Variants in FPGS observed in about 807,000 individuals in gnomAD.
The protein encoded by FPGS is folylpolyglutamate synthase.
A neutral mutation model predicts 66.5 loss-of-function variants in FPGS; 53 were observed. The ratio of observed to expected loss-of-function variants is 0.80; its 90% CI spans 0.64 to 1.00. The LOEUF is 1.00. Ranked by LOEUF, FPGS falls within the 50% of genes least tolerant of loss-of-function variation. The pLI, the probability that FPGS is intolerant of heterozygous loss-of-function variation, is 0.00. For synonymous variants in FPGS, 348 were observed against 350.9 expected, an observed-to-expected ratio of 0.99 and a Z score of 0.09; for missense variants, 702 against 807.7, an observed-to-expected ratio of 0.87 and a Z score of 1.59.
At position 127,809,681 on chromosome 9, in the gene FPGS, C is replaced by T. The variant is rs573025005; in HGVS notation, c.1061-3C>T. The T allele has an allele frequency of 2.5e-6, 4 of 1,586,086 alleles. No homozygotes were observed. In the South Asian group the frequency reaches 4.5e-5, roughly 18 times the overall value. ...GGAGGACTGCCTTGCTGCCCTCCCC[C>T]AGGGCTTCGGAACACGGAGTGGCCG... On this transcript the variant is annotated splice_polypyrimidine_tract_variant and splice_region_variant and intron_variant, in intron 11 of 14. Transcript: ENST00000373247.
chr9:127,805,764 G>A (rs777480546), intron 4 of FPGS, among the ~76,000 whole-genome samples: 2 of 152,180 alleles, frequency 1.3e-5, no homozygotes, highest in Non-Finnish European at 2.9e-5. Context: ...TCTCCTAGGC[G>A]GGCTGCAGAT....
rs577637343 is a variant in FPGS at position 127,804,713 on chromosome 9, G to C, written c.386+13G>C. 5.0e-6 allele frequency: 8 copies of C among 1,613,438 alleles called. No individual in the cohort carries two copies. The East Asian group carries it at 8.9e-5, about 18-fold the overall frequency. ...CGGGATTCTTTAGGTACTGGCTTGT[G>C]GGGGGATGTGGTGTCTGTGTCCCAA... is the stretch of plus-strand genomic sequence containing the variant. On this transcript the variant is annotated intron_variant, in intron 4 of 14. Transcript: ENST00000373247.
chr9:127,803,766 C>T (rs760639134), intron 1 of FPGS, among the ~76,000 whole-genome samples: 1 of 152,140 alleles, frequency 6.6e-6, no homozygotes, highest in Non-Finnish European at 1.5e-5. Context: ...TGAAGCCGTA[C>T]CTACCTGCCT....
intron 11 of FPGS, among the ~76,000 whole-genome samples, chr9:127,809,414 G>A (rs1196567107): frequency 2.0e-5 from 3 of 152,174 alleles, no homozygotes; most frequent in Admixed American, 2.0e-4. Flanking sequence ...AACCGACCTC[G>A]CATCACATCC....
intron 12 of FPGS, 97 bp from the exon 13 acceptor site, chr9:127,809,934 G>T (rs1391162781): frequency 2.6e-6 from 1 of 392,084 alleles, no homozygotes; most frequent in African/African-American, 4.4e-5. Flanking sequence ...GCGGGGGCGG[G>T]CCCATGGGGA....
chr9:127,813,452 C>G lies in FPGS; in HGVS notation c.1612C>G (p.Pro538Ala). Residue 538 changes from proline (P) to alanine (A), a missense_variant, in exon 15 of 15, where the codon CCT (proline) becomes GCT (alanine). Pro to Ala is a conservative substitution (Grantham distance 27). Around this residue, in one of 3 missense-constraint regions of FPGS, gnomAD observed 351 missense variants for 363.7 expected, o/e 0.97. Coordinates refer to ENST00000373247, the MANE Select transcript of FPGS (RefSeq NM_004957.6). ...SQGRDPIFQP[P>A]SPPKGLLTHP... ...AGGCCGAGACCCCATCTTCCAGCCA[C>G]CTAGTCCCCCAAAGGGCCTCCTCAC... 6.2e-7 allele frequency: 1 copy of G among 1,612,606 alleles called. No homozygotes were observed. Among genetic ancestry groups the G allele is most frequent in the Middle Eastern group, 1.7e-4 (1 of 6,054 alleles).
chr9:127,810,989 G>A lies in FPGS; in HGVS notation c.1332G>A (p.Glu444=). 1 of 1,592,110 alleles carries A rather than the reference G, an allele frequency of 6.3e-7. No individual in the cohort carries two copies. The highest frequency in any genetic ancestry group is 8.6e-7 in the Non-Finnish European group (1 of 1,167,960). The change falls in exon 14 of 15, where the codon GAG becomes GAA. Residue 444 remains glutamate (E), a synonymous_variant. Transcript: ENST00000373247. The part of the protein sequence containing the change: ...DYAVFCPNLT[E]VSSTGNADQQ... The stretch of plus-strand genomic sequence containing the variant: ...CCGTCTTCTGCCCTAACCTGACAGA[G>A]GTGTCATCCACAGGCAACGCAGGTG...
At chr9:127,814,242 T>C (rs1394203860), downstream of FPGS, 2 of 763,096 alleles carry the variant, frequency 2.6e-6, no homozygotes, top group African/African-American at 3.8e-5. Flanking sequence ...AAGACCAGAC[T>C]GAAGCCTGTT....
rs1290590123 is a variant in FPGS at position 127,807,797 on chromosome 9, A to G, written c.744+109A>G. ...ACAAGTTGAGTCTCCTCTCCAGACTATTTCCCCATTGAAACGTGAGGGATG... is the reference window on the plus strand; with the variant it reads ...ACAAGTTGAGTCTCCTCTCCAGACTGTTTCCCCATTGAAACGTGAGGGATG... On this transcript the variant is annotated intron_variant, in intron 8 of 14. Transcript: ENST00000373247. This position sits in a 1 kb window ranked among gnomAD's most constrained non-coding sequence, Gnocchi z 5.8. 3.9e-5 allele frequency: 27 copies of G among 695,880 alleles called. No homozygotes were observed. The highest frequency in any genetic ancestry group is 5.5e-5 in the Non-Finnish European group (23 of 418,836). 43.1% of individuals were successfully genotyped at this position (695,880 alleles called of 1,614,324 possible).
chr9:127,806,788 G>A, intron 4 of FPGS, 185 bp from the exon 5 acceptor site: 2 of 606,344 alleles, frequency 3.3e-6, no homozygotes, highest in Non-Finnish European at 5.9e-6. Context: ...AGGTGCAGAG[G>A]CCTGGAGATA....
chr9:127,803,138 G>T, intron 1 of FPGS, 76 bp downstream of exon 1: 1 of 1,274,906 alleles, frequency 7.8e-7, no homozygotes, highest in Non-Finnish European at 9.9e-7. Context: ...AGAACATCCG[G>T]GCTCCGCTAG....
chr9:127,811,954 A>T (rs553405370), intron 14 of FPGS, among the ~76,000 whole-genome samples: 2 of 152,216 alleles, frequency 1.3e-5, no homozygotes, highest in African/African-American at 4.8e-5. Context: ...GTATCATGTT[A>T]AAAAAAGTTT....
intron 12 of FPGS, 98 bp from the exon 13 acceptor site, chr9:127,809,933 G>A: frequency 1.8e-6 from 1 of 551,754 alleles, no homozygotes; most frequent in Non-Finnish European, 3.2e-6. Flanking sequence ...GGCGGGGGCG[G>A]GCCCATGGGG....
chr9:127,809,609 C>T (rs1307375429), intron 11 of FPGS, 75 bp from the exon 12 acceptor site: 17 of 1,432,810 alleles, frequency 1.2e-5, no homozygotes, highest in African/African-American at 1.5e-5. Flanking sequence ...GGAGAACGGG[C>T]TCAGGAGTGT....
chr9:127,806,769 G>C (rs10987743), intron 4 of FPGS: 14 of 590,194 alleles, frequency 2.4e-5, no homozygotes, highest in Non-Finnish European at 4.2e-5. Flanking sequence ...GTGGTGAATA[G>C]GGTGAGCCAG....
At chr9:127,812,256 C>G (rs931952460) in intron 14 of FPGS, among the ~76,000 whole-genome samples, 1 of 151,860 alleles carries the variant, frequency 6.6e-6, no homozygotes, top group Non-Finnish European at 1.5e-5. Flanking sequence ...GACCCTGGAC[C>G]CTCTCTAAAA....
rs1724440007 is a variant in FPGS, at chr9:127,813,225, A to G, written c.1385A>G (p.Gln462Arg). ...DQQNFTVTLD[Q>R]VLLRCLEHQQ... ...CAGAACTTCACAGTGACACTGGACC[A>G]GGTCCTGCTCCGCTGCCTGGAACAC... The change falls in exon 15 of 15, where the codon CAG becomes CGG. Residue 462 changes from glutamine (Q) to arginine (R), a missense_variant. Transcript: ENST00000373247. The G allele has an allele frequency of 6.2e-7, 1 of 1,600,640 alleles. No individual in the cohort carries two copies. The highest frequency in any genetic ancestry group is 1.7e-5 in the Admixed American group (1 of 58,780).
At chr9:127,808,377 G>A in intron 9 of FPGS, 66 bp downstream of exon 9, 2 of 1,501,462 alleles carry the variant, frequency 1.3e-6, no homozygotes, top group Non-Finnish European at 9.3e-7. Context: ...AGGAGGCACT[G>A]CATCCTCTGG....
chr9:127,809,770 A>G lies in FPGS; in HGVS notation c.1147A>G (p.Ser383Gly). Residue 383 changes from serine to glycine, a missense_variant, in exon 12 of 15, where the codon AGC (serine) becomes GGC (glycine). This residue lies in a region of FPGS where 351 missense variants were observed against 363.7 expected (regional missense o/e 0.97). Transcript: ENST00000373247. ...GTACCTGGACGGTGCGCACACCGCC[A>G]GCAGCGCGCAGGCCTGCGTGCGCTG... is the stretch of plus-strand genomic sequence containing the variant. The part of the protein sequence containing the change: ...TWYLDGAHTA[S>G]SAQACVRWFR... 5.1e-6 allele frequency: 8 copies of G among 1,570,622 alleles called. No homozygotes were observed. Among genetic ancestry groups the G allele is most frequent in the African/African-American group, 1.4e-5 (1 of 71,974 alleles).
Sources: gnomAD v4.1 joint callset for allele counts (sites outside exome capture counted in the v4.1 genomes callset) on GRCh38, gnomAD v4.1.1 for gene constraint, gnomAD v4.1.1 regional missense constraint, Gnocchi (gnomAD v3.1) non-coding constraint, MANE v1.5 for transcripts, NCBI Gene and HGNC (gene_info 2026-07-23, HGNC 2026-07-21) for gene names.